Variants in CHRM3 observed in about 807,000 individuals in gnomAD.
The protein encoded by CHRM3 is muscarinic acetylcholine receptor M3.
A neutral mutation model predicts 41.8 loss-of-function variants in CHRM3; 11 were observed. The ratio of observed to expected loss-of-function variants is 0.26; its 90% CI spans 0.17 to 0.44. The LOEUF (loss-of-function observed/expected upper bound fraction) is 0.44. CHRM3 is among the 20% of genes least tolerant of loss of function. The pLI is 1.00. For missense variants in CHRM3, 571 were observed against 745.4 expected (o/e 0.77, Z 2.72); for synonymous variants, 297 against 301.4 (o/e 0.99, Z 0.15).
Position 239,817,782 on chromosome 1 carries a change from G to A in CHRM3, c.-146-9470G>A, listed in dbSNP as rs190068429. Among the ~76,000 whole-genome samples, 636 of 152,082 alleles carry A rather than the reference G, an allele frequency of 4.2e-3. 6 individuals carry two copies. Among genetic ancestry groups the A allele is most frequent in the Non-Finnish European group, 4.9e-3 (333 of 68,004 alleles). On this transcript the variant is annotated intron_variant, in intron 5 of 6. Transcript: ENST00000676153. ...GGCACACTCAGGGAACTGTGATTCC[G>A]TCCCATTAAGCAGCTACAATGTTAC...
chr1:239,622,765 A>C (rs1287528983), intron 3 of CHRM3, among the ~76,000 whole-genome samples: 2 of 152,186 alleles, frequency 1.3e-5, no homozygotes, highest in Non-Finnish European at 2.9e-5. Flanking sequence ...CAAAAGATTT[A>C]GAATATTACG....
chr1:239,691,239 A>C (rs1659686402), intron 5 of CHRM3, among the ~76,000 whole-genome samples: 1 of 152,102 alleles, frequency 6.6e-6, no homozygotes, highest in South Asian at 2.1e-4. Context: ...CTTTTATTTG[A>C]AACTTGCAGG....
chr1:239,673,434 CT>C (rs2149067986), intron 4 of CHRM3, among the ~76,000 whole-genome samples: 1 of 152,242 alleles, frequency 6.6e-6, no homozygotes, highest in South Asian at 2.1e-4. Context: ...TCCTTCACCC[CT>C]CCTCCAATAT....
At chr1:239,404,410 A>AAGAAAGAAGG (rs1210507333) in intron 1 of CHRM3, among the ~76,000 whole-genome samples, 5 of 51,752 alleles carry the variant, frequency 9.7e-5, no homozygotes, top group African/African-American at 3.2e-4. Context: ...GAAAGAAAGA[A>AAGAAAGAAGG]AAAGAAAGAA....
chr1:239,824,338 G>A (rs778784066), intron 5 of CHRM3, among the ~76,000 whole-genome samples: 15 of 152,122 alleles, frequency 9.9e-5, no homozygotes, highest in Non-Finnish European at 1.3e-4. Context: ...GCCTTCAATC[G>A]AGGTGTTTCA....
chr1:239,878,260 T>C (rs1364598485), intron 6 of CHRM3, among the ~76,000 whole-genome samples: 1 of 152,088 alleles, frequency 6.6e-6, no homozygotes, highest in East Asian at 1.9e-4. Context: ...TGCCACTAGA[T>C]GGTCCCATCT....
At position 239,907,390 on chromosome 1, in the gene CHRM3, G is replaced by A; in HGVS notation, c.-19-43G>A. ...GTAATGCAAAGAACAAACAAATAAA[G>A]GCAGAAATTTTTCTAACTCTGTCTC... On this transcript the variant is annotated intron_variant, in intron 6 of 6. Transcript: ENST00000676153. This position sits in a 1 kb window ranked among gnomAD's most constrained non-coding sequence, Gnocchi z 5.4. 1 of 1,493,566 alleles carries A rather than the reference G, an allele frequency of 6.7e-7. No individual in the cohort carries two copies. The highest frequency in any genetic ancestry group is 9.1e-7 in the Non-Finnish European group (1 of 1,096,918). 92.5% of individuals were successfully genotyped at this position (1,493,566 alleles called of 1,614,324 possible). A position where few individuals can be genotyped will look rare whatever the true frequency, so the allele number is the denominator to read the frequency against.
intron 5 of CHRM3, among the ~76,000 whole-genome samples, chr1:239,777,331 G>A (rs922989140): frequency 5.3e-5 from 8 of 152,196 alleles, no homozygotes; most frequent in Non-Finnish European, 1.2e-4. Context: ...AACAACGTTT[G>A]AGGGAGGTTC....
chr1:239,582,324 G>A (rs941769581), intron 3 of CHRM3, among the ~76,000 whole-genome samples: 2 of 152,258 alleles, frequency 1.3e-5, no homozygotes, highest in South Asian at 2.1e-4. Flanking sequence ...ATCATCTCAT[G>A]TAAAAAAGAA....
At chr1:239,415,269 G>A (rs187851764) in intron 1 of CHRM3, among the ~76,000 whole-genome samples, 18 of 152,164 alleles carry the variant, frequency 1.2e-4, no homozygotes, top group East Asian at 3.9e-4. Context: ...GTGAAACTCC[G>A]TCTCTACTAA....
chr1:239,725,557 A>G (rs551322097), intron 5 of CHRM3, among the ~76,000 whole-genome samples: 2 of 152,024 alleles, frequency 1.3e-5, no homozygotes, highest in East Asian at 3.9e-4. Flanking sequence ...TAGATTTTAA[A>G]CTGCTTGACA....
chr1:239,900,078 C>T (rs1030975306), intron 6 of CHRM3, among the ~76,000 whole-genome samples: 1 of 152,212 alleles, frequency 6.6e-6, no homozygotes, highest in Non-Finnish European at 1.5e-5. Flanking sequence ...TAGGTCCCCT[C>T]ACCAATATCA....
intron 3 of CHRM3, among the ~76,000 whole-genome samples, chr1:239,599,261 G>A (rs1383208206): frequency 6.6e-6 from 1 of 151,958 alleles, no homozygotes; most frequent in Non-Finnish European, 1.5e-5. Context: ...TTGTTGAATT[G>A]TCTTCCACAG....
intron 3 of CHRM3, chr1:239,606,239 A>C (rs1666229692): frequency 2.0e-5 from 3 of 151,946 alleles, no homozygotes; most frequent in Non-Finnish European, 4.4e-5. Context: ...TAACTTAATT[A>C]AGTACATGTT....
intron 1 of CHRM3, among the ~76,000 whole-genome samples, chr1:239,414,872 G>A (rs979249533): frequency 2.0e-5 from 3 of 152,062 alleles, no homozygotes; most frequent in Non-Finnish European, 4.4e-5. Flanking sequence ...ATTTTTGTTT[G>A]CTTACTCTGT....
chr1:239,819,060 A>G (rs1346892056), intron 5 of CHRM3, among the ~76,000 whole-genome samples: 1 of 152,190 alleles, frequency 6.6e-6, no homozygotes, highest in Admixed American at 6.5e-5. Flanking sequence ...ATGGCTTCCC[A>G]TAAACTTTGT....
intron 2 of CHRM3, among the ~76,000 whole-genome samples, chr1:239,508,173 T>C (rs6675823): frequency 0.03 from 4,565 of 152,286 alleles, 170 homozygotes; most frequent in African/African-American, 0.086. Context: ...TCCAAAGTTA[T>C]TCTTCAGAGA....
chr1:239,451,015 A>T (rs577309413), intron 1 of CHRM3, among the ~76,000 whole-genome samples: 2 of 152,226 alleles, frequency 1.3e-5, no homozygotes, highest in South Asian at 4.1e-4. Context: ...TGATCATGCC[A>T]TTGCACTCCA....
At chr1:239,722,506 A>G (rs1206997008) in intron 5 of CHRM3, among the ~76,000 whole-genome samples, 1 of 151,912 alleles carries the variant, frequency 6.6e-6, no homozygotes, top group African/African-American at 2.4e-5. Context: ...TCTTAATATC[A>G]TTGCCTATAG....
Sources: allele counts gnomAD v4.1 joint callset (sites outside exome capture counted in the v4.1 genomes callset), GRCh38; gene constraint gnomAD v4.1.1; non-coding constraint Gnocchi (gnomAD v3.1); transcripts MANE v1.5; gene names NCBI Gene and HGNC (gene_info 2026-07-23, HGNC 2026-07-21).